The following TENT2 variants were observed in gnomAD, a reference collection of about 807,000 sequenced individuals.
TENT2 encodes the protein terminal nucleotidyltransferase 2.
A neutral mutation model predicts 72.2 loss-of-function variants in TENT2; 44 were observed. The observed-to-expected ratio is 0.61, with a 90% CI of 0.48 to 0.78. TENT2 has a LOEUF of 0.78. Ranked by LOEUF, TENT2 falls within the 30% of genes least tolerant of loss-of-function variation. TENT2 has a pLI of 0.00. For missense variants in TENT2, 541 were observed against 569.6 expected (o/e 0.95, Z 0.51); for synonymous variants, 212 against 192.5 (o/e 1.10, Z -0.84).
At chr5:79,649,888 G>A (rs7711830) in intron 10 of TENT2, among the ~76,000 whole-genome samples, 30,869 of 152,014 alleles carry the variant, frequency 0.2, 4,628 homozygotes, top group African/African-American at 0.42. Context: ...TACATATGTA[G>A]CAATCCAAGA....
intron 10 of TENT2, among the ~76,000 whole-genome samples, chr5:79,651,515 A>G (rs1794030253): frequency 6.6e-6 from 1 of 152,082 alleles, no homozygotes; most frequent in East Asian, 1.9e-4. Flanking sequence ...CCAAAAAAGC[A>G]ATGATATAAT....
At chr5:79,657,459 T>C (rs1213744331) in intron 11 of TENT2, among the ~76,000 whole-genome samples, 2 of 152,166 alleles carry the variant, frequency 1.3e-5, no homozygotes, top group African/African-American at 4.8e-5. Context: ...TCTTGCTAAG[T>C]AATACACCAC....
chr5:79,645,043 T>TG, intron 7 of TENT2, 80 bp from the exon 8 acceptor site: 2 of 1,112,124 alleles, frequency 1.8e-6, no homozygotes, highest in Non-Finnish European at 2.5e-6. Flanking sequence ...TAGTAAATAC[T>TG]ATTTTTTAAA....
chr5:79,651,724 C>T (rs1329221797), intron 10 of TENT2, among the ~76,000 whole-genome samples: 1 of 151,938 alleles, frequency 6.6e-6, no homozygotes, highest in Admixed American at 6.6e-5. Flanking sequence ...TCAAGAAAAT[C>T]TTGATTCTAC....
rs780334504 is a variant in TENT2 at position 79,641,212 on chromosome 5, T to C, written c.672+16T>C. 9 of 1,523,552 alleles carry C rather than the reference T, an allele frequency of 5.9e-6. No individual in the cohort carries two copies. Among genetic ancestry groups the C allele is most frequent in the Admixed American group, 2.4e-5 (1 of 41,484 alleles). The allele number at this position is 1,523,552 out of a possible 1,614,324, so 94.4% of individuals were successfully genotyped here. On this transcript the variant is annotated intron_variant, in intron 6 of 14. Coordinates refer to ENST00000453514, the MANE Select transcript of TENT2 (RefSeq NM_001114394.3). ...GGAAGAACCAGTAAGTAAGGAAACATTTATTCCAAGTGTGTTTCTCATGTT... is the reference window on the plus strand; with the variant it reads ...GGAAGAACCAGTAAGTAAGGAAACACTTATTCCAAGTGTGTTTCTCATGTT...
At chr5:79,657,318 A>G (rs185189411) in intron 11 of TENT2, among the ~76,000 whole-genome samples, 5 of 152,174 alleles carry the variant, frequency 3.3e-5, no homozygotes, top group Non-Finnish European at 5.9e-5. Context: ...TCTTCCTACT[A>G]TTTTAAAATA....
At chr5:79,634,385 A>G (rs945684372) in intron 4 of TENT2, among the ~76,000 whole-genome samples, 1 of 151,966 alleles carries the variant, frequency 6.6e-6, no homozygotes, top group Non-Finnish European at 1.5e-5. Flanking sequence ...TGCCCAGGCT[A>G]GAGTGCAGTG....
At chr5:79,634,647 T>G (rs901932308) in intron 4 of TENT2, among the ~76,000 whole-genome samples, 1 of 152,100 alleles carries the variant, frequency 6.6e-6, no homozygotes, top group Non-Finnish European at 1.5e-5. Flanking sequence ...CCAGAAATAT[T>G]TATTTTAATA....
intron 11 of TENT2, chr5:79,668,614 T>TA: frequency 7.1e-6 from 2 of 281,084 alleles, no homozygotes; most frequent in East Asian, 7.2e-5. Context: ...AAGGTTTTAT[T>TA]TATGAGTTAG....
intron 1 of TENT2, among the ~76,000 whole-genome samples, chr5:79,617,757 G>A (rs999389970): frequency 4.6e-5 from 7 of 152,138 alleles, no homozygotes; most frequent in African/African-American, 1.2e-4. Context: ...GAGCATTTCC[G>A]TCAGAGATTT....
At chr5:79,642,788 A>C in intron 6 of TENT2, 44 bp from the exon 7 acceptor site, 1 of 1,467,350 alleles carries the variant, frequency 6.8e-7, no homozygotes, top group Non-Finnish European at 9.4e-7. Flanking sequence ...GAAACATTAA[A>C]CTTAGAAAGA....
chr5:79,647,841 G>A (rs1170217288), intron 8 of TENT2, among the ~76,000 whole-genome samples: 1 of 151,994 alleles, frequency 6.6e-6, no homozygotes, highest in African/African-American at 2.4e-5. Context: ...TCTAAATTAT[G>A]AACTGCATAT....
intron 3 of TENT2, among the ~76,000 whole-genome samples, chr5:79,621,216 C>G (rs918213646): frequency 3.3e-5 from 5 of 152,050 alleles, no homozygotes; most frequent in Non-Finnish European, 7.4e-5. Flanking sequence ...GAGGTAGATA[C>G]TATTATCCCT....
chr5:79,625,977 T>C (rs1449154738), intron 4 of TENT2, among the ~76,000 whole-genome samples: 2 of 151,852 alleles, frequency 1.3e-5, no homozygotes, highest in African/African-American at 4.8e-5. Flanking sequence ...TACAGGTGTG[T>C]GCCACCACGT....
At chr5:79,674,756 G>C (rs1815863887) in intron 12 of TENT2, among the ~76,000 whole-genome samples, 2 of 152,050 alleles carry the variant, frequency 1.3e-5, no homozygotes, top group South Asian at 4.1e-4. Flanking sequence ...ATAATACATA[G>C]ATGATATAAA....
chr5:79,667,017 G>A (rs969289173), intron 11 of TENT2, among the ~76,000 whole-genome samples: 2 of 152,160 alleles, frequency 1.3e-5, no homozygotes, highest in Non-Finnish European at 2.9e-5. Context: ...CCGTGAAAAA[G>A]AACAGTGAAG....
chr5:79,675,086 GA>G (rs1430872583), intron 12 of TENT2, among the ~76,000 whole-genome samples: 6 of 152,036 alleles, frequency 3.9e-5, no homozygotes, highest in Non-Finnish European at 8.8e-5. Context: ...CTCTAGAGCA[GA>G]AAAAAACAGG....
intron 11 of TENT2, among the ~76,000 whole-genome samples, chr5:79,665,015 A>G (rs1806303938): frequency 6.6e-6 from 1 of 152,230 alleles, no homozygotes; most frequent in Admixed American, 6.5e-5. Context: ...AACTTGTAAA[A>G]TCTACTAAAG....
intron 4 of TENT2, among the ~76,000 whole-genome samples, chr5:79,634,529 G>A (rs1778518552): frequency 6.6e-6 from 1 of 151,902 alleles, no homozygotes; most frequent in South Asian, 2.1e-4. Context: ...AGTAGAGATG[G>A]GGTTTCATCA....
Sources: allele counts gnomAD v4.1 joint callset (sites outside exome capture counted in the v4.1 genomes callset), GRCh38; gene constraint gnomAD v4.1.1; transcripts MANE v1.5; gene names NCBI Gene and HGNC (gene_info 2026-07-23, HGNC 2026-07-21).